The following ARHGAP6 variants were observed in gnomAD, a reference collection of about 807,000 sequenced individuals.
The protein encoded by ARHGAP6 is rho GTPase-activating protein 6.
In ARHGAP6, 16 loss-of-function variants were observed where a neutral mutation model predicts 55.7. That is an observed-to-expected ratio of 0.29 (90% CI 0.19 to 0.44). ARHGAP6 has a LOEUF of 0.44. Ranked by LOEUF, ARHGAP6 falls within the 20% of genes least tolerant of loss-of-function variation. The pLI is 1.00. For synonymous variants in ARHGAP6, 382 were observed against 360.9 expected, an observed-to-expected ratio of 1.06 and a Z score of -0.66; for missense variants, 698 against 808.9, an observed-to-expected ratio of 0.86 and a Z score of 1.66.
chrX:11,153,940 T>C (rs1417050877), intron 10 of ARHGAP6, among the ~76,000 whole-genome samples: 1 of 110,521 alleles, frequency 9.0e-6, no homozygotes, highest in Non-Finnish European at 1.9e-5. Flanking sequence ...ATTAGGTATA[T>C]CTCCTAATGC....
chrX:11,388,112 C>T (rs763378584), intron 1 of ARHGAP6, among the ~76,000 whole-genome samples: 1 of 111,940 alleles, frequency 8.9e-6, no homozygotes, highest in Non-Finnish European at 1.9e-5. Context: ...AGTTCTAGAT[C>T]CCTGAGGAAT....
At chrX:11,594,669 C>T (rs965086166) in intron 1 of ARHGAP6, among the ~76,000 whole-genome samples, 1 of 111,427 alleles carries the variant, frequency 9.0e-6, no homozygotes, top group East Asian at 2.8e-4. Flanking sequence ...GAATCTAATG[C>T]CTGATGATTT....
intron 1 of ARHGAP6, among the ~76,000 whole-genome samples, chrX:11,336,507 A>G (rs1452541856): frequency 1.8e-5 from 2 of 111,882 alleles, no homozygotes; most frequent in Non-Finnish European, 3.8e-5. Flanking sequence ...TCAAATAGAG[A>G]CAGGAACAAG....
intron 1 of ARHGAP6, among the ~76,000 whole-genome samples, chrX:11,292,868 G>A (rs1348405549): frequency 9.0e-6 from 1 of 111,678 alleles, no homozygotes; most frequent in Non-Finnish European, 1.9e-5. Context: ...GTAGCCAAGG[G>A]GAACAGAGAA....
chrX:11,570,150 T>C (rs1309855344), intron 1 of ARHGAP6, among the ~76,000 whole-genome samples: 1 of 111,610 alleles, frequency 9.0e-6, no homozygotes, highest in Non-Finnish European at 1.9e-5. Flanking sequence ...ATTAAATTTA[T>C]ATCTATTTAA....
At chrX:11,209,281 A>G (rs1268259240) in intron 2 of ARHGAP6, among the ~76,000 whole-genome samples, 3 of 111,590 alleles carry the variant, frequency 2.7e-5, no homozygotes, top group Admixed American at 9.5e-5. Context: ...ATCTGGGATT[A>G]CAGATGTGTG....
chrX:11,385,499 G>C (rs1015340932), intron 1 of ARHGAP6, among the ~76,000 whole-genome samples: 2 of 112,002 alleles, frequency 1.8e-5, no homozygotes, highest in Admixed American at 1.9e-4. Flanking sequence ...ATACAATTGA[G>C]TTGAGTGTAA....
chrX:11,312,242 G>C (rs2048310036), intron 1 of ARHGAP6, among the ~76,000 whole-genome samples: 1 of 111,996 alleles, frequency 8.9e-6, no homozygotes, highest in Admixed American at 9.5e-5. Context: ...AGTTGTTTCA[G>C]AGTCAGAAAT....
At position 11,664,700 on chromosome X, in the gene ARHGAP6, G is replaced by A. The variant is rs754082517; in HGVS notation, c.129C>T (p.Ile43=). Residue 43 remains isoleucine, a synonymous_variant, in exon 1 of 13, where the codon ATC becomes ATT. Coordinates refer to ENST00000337414, the MANE Select transcript of ARHGAP6 (RefSeq NM_013427.3). ...RQTRSLDPAL[I]GGCGSDEAGA... ...CCGCCTCGTCGCTCCCGCAGCCGCC[G>A]ATCAGGGCCGGGTCCAGGCTGCGGG... The A allele has an allele frequency of 4.2e-6, 5 of 1,180,830 alleles. No individual in the cohort carries two copies. The highest frequency in any genetic ancestry group is 5.7e-6 in the Non-Finnish European group (5 of 881,748).
chrX:11,204,344 G>A lies in ARHGAP6; in HGVS notation c.749-7348C>T, dbSNP rs1008107919. Among the ~76,000 whole-genome samples the A allele has an allele frequency of 2.7e-5, 3 of 111,703 alleles. No homozygotes were observed. In the Admixed American group the frequency reaches 2.8e-4, roughly 11 times the overall value. Reference sequence around the variant, plus strand: ...TTGGTGAGACACTATTCCAAGCTTGGCTCTGCCTCTGACTGGCTGCCTGAC... The same window carrying A: ...TTGGTGAGACACTATTCCAAGCTTGACTCTGCCTCTGACTGGCTGCCTGAC... On this transcript the variant is annotated intron_variant, in intron 2 of 12. Coordinates refer to ENST00000337414, the MANE Select transcript of ARHGAP6 (RefSeq NM_013427.3).
intron 1 of ARHGAP6, among the ~76,000 whole-genome samples, chrX:11,469,216 T>C (rs1192691128): frequency 8.9e-6 from 1 of 112,822 alleles, no homozygotes; most frequent in African/African-American, 3.2e-5. Flanking sequence ...TAAGAAACTA[T>C]GTCAGAATTC....
chrX:11,652,340 A>C (rs1393055184), intron 1 of ARHGAP6, among the ~76,000 whole-genome samples: 1 of 112,091 alleles, frequency 8.9e-6, no homozygotes, highest in Middle Eastern at 4.2e-3. Context: ...AATCTTCTGC[A>C]TATTGACTAG....
At chrX:11,250,553 T>G (rs1187421764) in intron 2 of ARHGAP6, among the ~76,000 whole-genome samples, 1 of 111,826 alleles carries the variant, frequency 8.9e-6, no homozygotes, top group East Asian at 2.8e-4. Context: ...TGGAGGCCCC[T>G]TGGGAAGAAT....
At position 11,138,898 on chromosome X, in the gene ARHGAP6, C is replaced by T. The variant is rs748525712; in HGVS notation, c.2890G>A (p.Asp964Asn). The change falls in exon 13 of 13, where the codon GAC becomes AAC. Residue 964 changes from aspartate (D) to asparagine (N), a missense_variant. Asp to Asn is a conservative substitution (Grantham distance 23). This residue lies in a region of ARHGAP6 where 212 missense variants were observed against 208.7 expected (regional missense o/e 1.02). Coordinates refer to ENST00000337414, the MANE Select transcript of ARHGAP6 (RefSeq NM_013427.3). Reference protein sequence around the residue: ...RWQIWELLSTDNPDALPETLV With the variant: ...RWQIWELLSTNNPDALPETLV ...GTCTCGGGCAGGGCATCGGGGTTGT[C>T]GGTCGACAGGAGCTCCCAGATCTGC... 5 of 1,186,118 alleles carry T rather than the reference C, an allele frequency of 4.2e-6. No homozygotes were observed. Among genetic ancestry groups the T allele is most frequent in the East Asian group, 3.0e-5 (1 of 32,854 alleles).
intron 1 of ARHGAP6, among the ~76,000 whole-genome samples, chrX:11,575,066 C>T (rs1364064248): frequency 4.5e-5 from 5 of 111,990 alleles, no homozygotes; most frequent in African/African-American, 1.3e-4. Flanking sequence ...GTTCACACTT[C>T]CTCACCTCCC....
At chrX:11,405,779 T>C (rs186701222) in intron 1 of ARHGAP6, among the ~76,000 whole-genome samples, 6 of 112,290 alleles carry the variant, frequency 5.3e-5, no homozygotes, top group African/African-American at 1.9e-4. Flanking sequence ...ATATGGTCTT[T>C]GTAATCAGTG....
At chrX:11,351,345 C>T in intron 1 of ARHGAP6, 1 of 960,504 alleles carries the variant, frequency 1.0e-6, no homozygotes, top group Non-Finnish European at 1.3e-6. Context: ...ACATTCATAT[C>T]ATATAACTAA....
chrX:11,417,103 T>TATATATAC (rs2049761512), intron 1 of ARHGAP6, among the ~76,000 whole-genome samples: 1 of 79,871 alleles, frequency 1.3e-5, no homozygotes, highest in African/African-American at 4.8e-5. Flanking sequence ...TATATATATA[T>TATATATAC]ATACACATAC....
intron 4 of ARHGAP6, among the ~76,000 whole-genome samples, chrX:11,188,462 T>C (rs1029316938): frequency 1.8e-5 from 2 of 111,574 alleles, no homozygotes; most frequent in Admixed American, 9.5e-5. Flanking sequence ...CCAGAATTAA[T>C]GGTGATATTG....
Sources: allele counts gnomAD v4.1 joint callset (sites outside exome capture counted in the v4.1 genomes callset), GRCh38; gene constraint gnomAD v4.1.1; regional missense constraint gnomAD v4.1.1; transcripts MANE v1.5; gene names NCBI Gene and HGNC (gene_info 2026-07-23, HGNC 2026-07-21).